The following SORCS1 variants were observed in gnomAD, a reference collection of about 807,000 sequenced individuals.
SORCS1 encodes the protein VPS10 domain-containing receptor SorCS1.
In SORCS1, 60 loss-of-function variants were observed where a neutral mutation model predicts 146.1. The ratio of observed to expected loss-of-function variants is 0.41; its 90% CI spans 0.33 to 0.51. The LOEUF is 0.51. SORCS1 is among the 20% of genes least tolerant of loss of function. The probability of loss-of-function intolerance (pLI) is 0.21; values close to 1 mark genes in which losing one functional copy is unlikely to be tolerated. For missense variants in SORCS1, 1,352 were observed against 1,487.6 expected, an observed-to-expected ratio of 0.91 and a Z score of 1.50; for synonymous variants, 637 against 584.0, an observed-to-expected ratio of 1.09 and a Z score of -1.31.
intron 24 of SORCS1, among the ~76,000 whole-genome samples, chr10:106,593,198 C>T (rs886152561): frequency 2.0e-5 from 3 of 150,556 alleles, no homozygotes; most frequent in African/African-American, 7.3e-5. Flanking sequence ...TACCAAAGTG[C>T]CAAGTTTTCC....
At chr10:106,844,295 C>T (rs531305623) in intron 2 of SORCS1, among the ~76,000 whole-genome samples, 1 of 152,086 alleles carries the variant, frequency 6.6e-6, no homozygotes, top group East Asian at 1.9e-4. Flanking sequence ...TGTTTCTTTG[C>T]TATGCAGAAA....
At chr10:107,022,910 C>T (rs750883303) in intron 1 of SORCS1, among the ~76,000 whole-genome samples, 8 of 152,200 alleles carry the variant, frequency 5.3e-5, no homozygotes, top group Non-Finnish European at 1.2e-4. Flanking sequence ...CCCTCTGCTA[C>T]AGCACAACAC....
At chr10:106,870,436 T>C (rs1950364970) in intron 2 of SORCS1, among the ~76,000 whole-genome samples, 1 of 152,124 alleles carries the variant, frequency 6.6e-6, no homozygotes, top group African/African-American at 2.4e-5. Context: ...GGCTATAAAC[T>C]ATACCACAGG....
intron 3 of SORCS1, among the ~76,000 whole-genome samples, chr10:106,797,508 G>T (rs1012462297): frequency 6.7e-6 from 1 of 148,354 alleles, no homozygotes; most frequent in Non-Finnish European, 1.5e-5. Flanking sequence ...TTAGTCTCTT[G>T]CTGAGGAGTT....
intron 2 of SORCS1, among the ~76,000 whole-genome samples, chr10:106,944,584 C>T (rs558651463): frequency 2.8e-4 from 43 of 152,282 alleles, no homozygotes; most frequent in African/African-American, 9.6e-4. Flanking sequence ...TTAAGGACAA[C>T]AATATGATCT....
At chr10:106,768,397 T>C (rs1242460443) in intron 4 of SORCS1, among the ~76,000 whole-genome samples, 1 of 152,232 alleles carries the variant, frequency 6.6e-6, no homozygotes, top group Non-Finnish European at 1.5e-5. Context: ...GATATCAGTT[T>C]CCTAAGTGTT....
intron 19 of SORCS1, among the ~76,000 whole-genome samples, chr10:106,625,001 C>T (rs571358948): frequency 4.8e-4 from 73 of 152,288 alleles, no homozygotes; most frequent in Middle Eastern, 3.4e-3. Flanking sequence ...CTGGCAGATG[C>T]GGCTCCATCA....
chr10:106,806,112 G>T (rs1189251099), intron 3 of SORCS1, among the ~76,000 whole-genome samples: 3 of 148,970 alleles, frequency 2.0e-5, no homozygotes, highest in African/African-American at 7.4e-5. Flanking sequence ...GCTCACACCT[G>T]TAATCCCAGC....
chr10:106,657,436 T>C (rs1357664663), intron 17 of SORCS1, among the ~76,000 whole-genome samples: 1 of 151,984 alleles, frequency 6.6e-6, no homozygotes, highest in African/African-American at 2.4e-5. Flanking sequence ...AGTGGTATAA[T>C]GAACTTTGGA....
intron 4 of SORCS1, among the ~76,000 whole-genome samples, chr10:106,768,162 T>G (rs970919840): frequency 6.6e-6 from 1 of 152,212 alleles, no homozygotes; most frequent in African/African-American, 2.4e-5. Flanking sequence ...GGTTGACATT[T>G]AGCGAGCTCC....
rs932603957 is a variant in SORCS1, at chr10:106,607,040, T to C, written c.3165+126A>G. The C allele has an allele frequency of 3.9e-6, 5 of 1,277,780 alleles. No individual in the cohort carries two copies. In the Admixed American group the frequency reaches 1.1e-4, roughly 27 times the overall value. The allele number at this position is 1,277,780 out of a possible 1,614,324, so 79.2% of individuals were successfully genotyped here. On this transcript the variant is annotated intron_variant, in intron 23 of 25. Transcript: ENST00000263054. ...ACTAATACACCTACCATGAATGCTCTTGCATGTGCTTTTGGTGAAGCTGTA... is the reference window on the plus strand; with the variant it reads ...ACTAATACACCTACCATGAATGCTCCTGCATGTGCTTTTGGTGAAGCTGTA...
chr10:106,748,005 T>G (rs1034922653), intron 5 of SORCS1, among the ~76,000 whole-genome samples: 2 of 152,236 alleles, frequency 1.3e-5, no homozygotes, highest in African/African-American at 2.4e-5. Context: ...AAATATTTAT[T>G]GAGCACCTCT....
intron 17 of SORCS1, among the ~76,000 whole-genome samples, chr10:106,654,881 C>T (rs1850162380): frequency 6.6e-6 from 1 of 151,828 alleles, no homozygotes; most frequent in South Asian, 2.1e-4. Flanking sequence ...GAGACAGTCT[C>T]GCTCTGTTGC....
intron 2 of SORCS1, among the ~76,000 whole-genome samples, chr10:106,935,774 C>A (rs1953681305): frequency 6.6e-6 from 1 of 152,180 alleles, no homozygotes; most frequent in African/African-American, 2.4e-5. Context: ...CATGCTCACA[C>A]CTACTCTCAA....
At chr10:106,726,572 T>C (rs1856208418) in intron 6 of SORCS1, among the ~76,000 whole-genome samples, 1 of 151,858 alleles carries the variant, frequency 6.6e-6, no homozygotes, top group Non-Finnish European at 1.5e-5. Context: ...GTCATGTGCA[T>C]TGGATGCCAC....
At chr10:106,790,778 T>C (rs1946280638) in intron 3 of SORCS1, among the ~76,000 whole-genome samples, 1 of 152,208 alleles carries the variant, frequency 6.6e-6, no homozygotes, top group Non-Finnish European at 1.5e-5. Context: ...TTTAAGCTAC[T>C]TGTCCGATGT....
chr10:107,158,571 T>A (rs556914475), intron 1 of SORCS1, among the ~76,000 whole-genome samples: 4 of 152,232 alleles, frequency 2.6e-5, no homozygotes, highest in African/African-American at 9.6e-5. Flanking sequence ...CTACAGCATG[T>A]TCTGTCCTCA....
chr10:106,969,205 A>T (rs1361341143), intron 1 of SORCS1, among the ~76,000 whole-genome samples: 1 of 152,188 alleles, frequency 6.6e-6, no homozygotes, highest in East Asian at 1.9e-4. Context: ...ATGTGATTCT[A>T]GTTCTAATTC....
intron 6 of SORCS1, among the ~76,000 whole-genome samples, chr10:106,727,130 T>C (rs961227192): frequency 6.6e-6 from 1 of 151,332 alleles, no homozygotes; most frequent in Non-Finnish European, 1.5e-5. Flanking sequence ...GTCAGGCCCC[T>C]ACTGAATTAC....
Sources: gnomAD v4.1 joint callset for allele counts (sites outside exome capture counted in the v4.1 genomes callset) on GRCh38, gnomAD v4.1.1 for gene constraint, MANE v1.5 for transcripts, NCBI Gene and HGNC (gene_info 2026-07-23, HGNC 2026-07-21) for gene names.